The following SEC61A2 variants were observed in gnomAD, a reference collection of about 807,000 sequenced individuals.
SEC61A2 encodes SEC61 translocon subunit alpha 2, also known as protein transport protein Sec61 subunit alpha isoform 2.
SEC61A2 carries 28 observed loss-of-function variants against 59.9 expected under a neutral mutation model. That is an observed-to-expected ratio of 0.47 (90% CI 0.35 to 0.64). SEC61A2 has a LOEUF of 0.64. Among genes scored for constraint, SEC61A2 ranks in the 30% least tolerant of loss-of-function variants. The probability of loss-of-function intolerance (pLI) is 0.01; values close to 1 mark genes in which losing one functional copy is unlikely to be tolerated. For synonymous variants in SEC61A2, 202 were observed against 214.4 expected (o/e 0.94, Z 0.50); for missense variants, 340 against 585.9 (o/e 0.58, Z 4.33).
rs564711870 is a variant in SEC61A2 at position 12,164,574 on chromosome 10, C to T, written c.*120C>T. On this transcript the variant is annotated 3_prime_UTR_variant, in exon 12 of 12. Transcript: ENST00000298428. This position sits in a 1 kb window ranked among gnomAD's most constrained non-coding sequence, Gnocchi z 7.3. ...CACAGTTTCTTGTTTCGAGTGCTGA[C>T]TGACCCGTTTCTGAAATGGGCACCG... 7.6e-5 allele frequency: 113 copies of T among 1,477,936 alleles called. 1 individual carries two copies. In the South Asian group the frequency reaches 1.4e-3, roughly 18 times the overall value. 91.6% of individuals were successfully genotyped at this position (1,477,936 alleles called of 1,614,324 possible). A position where few individuals can be genotyped will look rare whatever the true frequency, so the allele number is the denominator to read the frequency against.
intron 4 of SEC61A2, among the ~76,000 whole-genome samples, chr10:12,148,543 CT>C (rs948632578): frequency 3.0e-4 from 43 of 144,952 alleles, no homozygotes; most frequent in East Asian, 4.0e-4. Context: ...CCACACCCGG[CT>C]TTTTTTTTTT....
downstream of SEC61A2, chr10:12,167,791 G>A: frequency 6.2e-7 from 1 of 1,614,156 alleles, no homozygotes; most frequent in Non-Finnish European, 8.5e-7. Flanking sequence ...TCCACTGTGA[G>A]ATGTTCTTCA....
chr10:12,164,996 G>A lies in SEC61A2; in HGVS notation c.*542G>A, dbSNP rs752653375. 31 of 982,832 alleles carry A rather than the reference G, an allele frequency of 3.2e-5. No homozygotes were observed. In the African/African-American group the frequency reaches 3.2e-4, roughly 10 times the overall value. The allele number at this position is 982,832 out of a possible 1,614,324, so 60.9% of individuals were successfully genotyped here. A position where few individuals can be genotyped will look rare whatever the true frequency, so the allele number is the denominator to read the frequency against. On this transcript the variant is annotated 3_prime_UTR_variant, in exon 12 of 12. Transcript: ENST00000298428. This position sits in a 1 kb window ranked among gnomAD's most constrained non-coding sequence, Gnocchi z 7.3. ...AAGCAGCCACTTAGCCCACATGGGC[G>A]AAATCAAGTCTCCAGTTATTTCTGC...
chr10:12,162,551 C>A lies in SEC61A2; in HGVS notation c.1244+262C>A. On this transcript the variant is annotated intron_variant, in intron 11 of 11. Transcript: ENST00000298428. This position sits in a 1 kb window ranked among gnomAD's most constrained non-coding sequence, Gnocchi z 6.1. ...TCTCAGCATTGGCTGGCTGCACATA[C>A]AATCACCAGAGAGCTTTTAAAAAGG... 1.6e-6 allele frequency: 1 copy of A among 607,468 alleles called. No homozygotes were observed. Among genetic ancestry groups the A allele is most frequent in the Non-Finnish European group, 3.1e-6 (1 of 325,532 alleles). 37.6% of individuals were successfully genotyped at this position (607,468 alleles called of 1,614,324 possible). A position where few individuals can be genotyped will look rare whatever the true frequency, so the allele number is the denominator to read the frequency against.
chr10:12,149,946 C>G lies in SEC61A2; in HGVS notation c.447C>G (p.Leu149=). Residue 149 remains leucine (L), a synonymous_variant, in exon 6 of 12, where the codon CTC becomes CTG. Coordinates refer to ENST00000298428, the MANE Select transcript of SEC61A2 (RefSeq NM_018144.4). The surrounding 1 kb of genome is among the most constrained non-coding windows in gnomAD (Gnocchi z 5.2). ...CAGAAATGGGTGCCGGAATCTGTCT[C>G]CTGATCATCATTCAGGTAAGAAATC... The part of the protein sequence containing the change: ...DPAEMGAGIC[L]LIIIQLFVAG... 6.2e-7 allele frequency: 1 copy of G among 1,608,092 alleles called. No individual in the cohort carries two copies. The highest frequency in any genetic ancestry group is 8.5e-7 in the Non-Finnish European group (1 of 1,174,530).
chr10:12,131,136 G>T (rs923567830), intron 1 of SEC61A2, among the ~76,000 whole-genome samples: 3 of 152,220 alleles, frequency 2.0e-5, no homozygotes, highest in Non-Finnish European at 4.4e-5. Flanking sequence ...TCATGCCACT[G>T]CACTTCAGCC....
At chr10:12,133,455 A>G in intron 2 of SEC61A2, 147 bp downstream of exon 2, 1 of 490,266 alleles carries the variant, frequency 2.0e-6, no homozygotes, top group Non-Finnish European at 3.7e-6. Context: ...CACAAAGTGA[A>G]TAAAAATAAT....
chr10:12,151,299 T>G (rs961700538), intron 6 of SEC61A2, among the ~76,000 whole-genome samples: 1 of 150,508 alleles, frequency 6.6e-6, no homozygotes, highest in African/African-American at 2.5e-5. Context: ...GTTTAGGAAA[T>G]TTTTTCTTTT....
In SEC61A2 at chr10:12,154,624, G is replaced by A. The variant is rs1053388403; in HGVS notation, c.463-1154G>A. Among the ~76,000 whole-genome samples the A allele has an allele frequency of 2.0e-5, 3 of 152,152 alleles. No individual in the cohort carries two copies. The highest frequency in any genetic ancestry group is 2.9e-5 in the Non-Finnish European group (2 of 68,024). On this transcript the variant is annotated intron_variant, in intron 6 of 11. Transcript: ENST00000298428. The surrounding 1 kb of genome is among the most constrained non-coding windows in gnomAD (Gnocchi z 5.2). Reference sequence around the variant, plus strand: ...TAAAGGATTAGCATGATCTCTCTTAGAAGTTTGGAGAATCGTACCCTTTCT... The same window carrying A: ...TAAAGGATTAGCATGATCTCTCTTAAAAGTTTGGAGAATCGTACCCTTTCT...
Position 12,162,702 on chromosome 10 carries a change from G to C in SEC61A2, c.1244+413G>C, listed in dbSNP as rs938338210. ...GTAATTCACTCACTTGAAGTATATT[G>C]TTCAGTGTTTTTTAGTATATTCAGA... On this transcript the variant is annotated intron_variant, in intron 11 of 11. Transcript: ENST00000298428. This position sits in a 1 kb window ranked among gnomAD's most constrained non-coding sequence, Gnocchi z 6.1. 2.0e-5 allele frequency among the ~76,000 whole-genome samples: 3 copies of C among 152,050 alleles called. No individual in the cohort carries two copies. The highest frequency in any genetic ancestry group is 7.3e-5 in the African/African-American group (3 of 41,374).
intron 2 of SEC61A2, among the ~76,000 whole-genome samples, chr10:12,135,431 A>G (rs1001240928): frequency 6.6e-6 from 1 of 152,232 alleles, no homozygotes; most frequent in Admixed American, 6.5e-5. Flanking sequence ...TTAAAAAAAT[A>G]TAAGCTTAAT....
Position 12,129,695 on chromosome 10 carries a change from C to T in SEC61A2, c.-93C>T. The T allele has an allele frequency of 8.0e-7, 1 of 1,247,634 alleles. No homozygotes were observed. Among genetic ancestry groups the T allele is most frequent in the South Asian group, 1.4e-5 (1 of 73,266 alleles). 77.3% of individuals were successfully genotyped at this position (1,247,634 alleles called of 1,614,324 possible). ...AGCCTGCGCGGGGCCGGTAGGATCG[C>T]GTCGGGAGCCGGTACCGAGGCCCGA... On this transcript the variant is annotated 5_prime_UTR_variant, in exon 1 of 12. Coordinates refer to ENST00000298428, the MANE Select transcript of SEC61A2 (RefSeq NM_018144.4). This position sits in a 1 kb window ranked among gnomAD's most constrained non-coding sequence, Gnocchi z 5.6.
At chr10:12,167,412 A>G (rs1366333554), downstream of SEC61A2, 13 of 321,978 alleles carry the variant, frequency 4.0e-5, no homozygotes, top group Admixed American at 5.7e-4. Context: ...ACCAGACTGG[A>G]CTAGAAAAGT....
At chr10:12,140,547 G>A (rs1202192051) in intron 3 of SEC61A2, among the ~76,000 whole-genome samples, 16 of 152,200 alleles carry the variant, frequency 1.1e-4, no homozygotes, top group Admixed American at 8.5e-4. Context: ...CCCACAGAGC[G>A]CCTAACCATG....
Position 12,155,664 on chromosome 10 carries a change from C to CG in SEC61A2, c.463-113dup. On this transcript the variant is annotated intron_variant, in intron 6 of 11. Coordinates refer to ENST00000298428, the MANE Select transcript of SEC61A2 (RefSeq NM_018144.4). This position sits in a 1 kb window ranked among gnomAD's most constrained non-coding sequence, Gnocchi z 4.3. The stretch of plus-strand genomic sequence containing the variant: ...GTTGGTCATCACAGTGAGATTGCAA[C>CG]GATCAGGCCTTAATATTCAAAACGC... 2.5e-6 allele frequency: 3 copies of CG among 1,215,000 alleles called. No individual in the cohort carries two copies. The highest frequency in any genetic ancestry group is 3.5e-6 in the Non-Finnish European group (3 of 846,240). 75.3% of individuals were successfully genotyped at this position (1,215,000 alleles called of 1,614,324 possible). A position where few individuals can be genotyped will look rare whatever the true frequency, so the allele number is the denominator to read the frequency against.
In SEC61A2 at chr10:12,160,330, T is replaced by C. The variant is rs1313689606; in HGVS notation, c.976-600T>C. ...ATACTGTAATCATCGCAACTAAAAATTGGTTTCTCACCCCCTATCTGTATA... is the reference window on the plus strand; with the variant it reads ...ATACTGTAATCATCGCAACTAAAAACTGGTTTCTCACCCCCTATCTGTATA... On this transcript the variant is annotated intron_variant, in intron 9 of 11. Transcript: ENST00000298428. This position sits in a 1 kb window ranked among gnomAD's most constrained non-coding sequence, Gnocchi z 4.1. Among the ~76,000 whole-genome samples the C allele has an allele frequency of 6.6e-6, 1 of 152,160 alleles. No homozygotes were observed. The highest frequency in any genetic ancestry group is 2.4e-5 in the African/African-American group (1 of 41,444).
downstream of SEC61A2, chr10:12,167,570 C>G: frequency 1.3e-6 from 1 of 778,166 alleles, no homozygotes; most frequent in South Asian, 1.9e-5. Flanking sequence ...ATACCACCAC[C>G]ACATCTGTTC....
At position 12,158,127 on chromosome 10, in the gene SEC61A2, A is replaced by G. The variant is rs773503453; in HGVS notation, c.975+22A>G. 2 of 1,539,534 alleles carry G rather than the reference A, an allele frequency of 1.3e-6. No individual in the cohort carries two copies. The highest frequency in any genetic ancestry group is 1.1e-5 in the South Asian group (1 of 88,842). ...GGCCGTGAGTATTATGTTTATTTAC[A>G]TTATTTATAGTTTATTATAATTTGC... is the stretch of plus-strand genomic sequence containing the variant. On this transcript the variant is annotated intron_variant, in intron 9 of 11. Coordinates refer to ENST00000298428, the MANE Select transcript of SEC61A2 (RefSeq NM_018144.4). This position sits in a 1 kb window ranked among gnomAD's most constrained non-coding sequence, Gnocchi z 5.7.
intron 8 of SEC61A2, 73 bp downstream of exon 8, chr10:12,157,140 A>G: frequency 7.0e-7 from 1 of 1,422,520 alleles, no homozygotes. Flanking sequence ...ATGCCATCTG[A>G]CATGCTGTTG....
Sources: gnomAD v4.1 joint callset for allele counts (sites outside exome capture counted in the v4.1 genomes callset) on GRCh38, gnomAD v4.1.1 for gene constraint, Gnocchi (gnomAD v3.1) non-coding constraint, MANE v1.5 for transcripts, NCBI Gene and HGNC (gene_info 2026-07-23, HGNC 2026-07-21) for gene names.